PTGR2: variants seen among roughly 807,000 people sequenced by gnomAD.
PTGR2 encodes the protein prostaglandin reductase 2, also known as 15-oxoprostaglandin 13-reductase.
Under a neutral mutation model 43.4 loss-of-function variants are expected in PTGR2, and 32 were observed. The observed-to-expected ratio is 0.74, with a 90% CI of 0.56 to 0.99. The LOEUF is 0.99. PTGR2 is among the 50% of genes least tolerant of loss of function. The probability of loss-of-function intolerance (pLI) is 0.00; values close to 1 mark genes in which losing one functional copy is unlikely to be tolerated. For missense variants in PTGR2, 373 were observed against 420.0 expected (o/e 0.89, Z 0.98); for synonymous variants, 106 against 139.2 (o/e 0.76, Z 1.68).
At chr14:73,869,486 A>C (rs1330901306) in intron 3 of PTGR2, among the ~76,000 whole-genome samples, 1 of 150,406 alleles carries the variant, frequency 6.6e-6, no homozygotes, top group Non-Finnish European at 1.5e-5. Context: ...AAGTGGGAGG[A>C]TCACTTGAGC....
intron 3 of PTGR2, among the ~76,000 whole-genome samples, chr14:73,871,624 GA>G (rs2140259197): frequency 6.6e-6 from 1 of 151,972 alleles, no homozygotes; most frequent in African/African-American, 2.4e-5. Flanking sequence ...AGTCTTGTGG[GA>G]CTGAGCCTTT....
At chr14:73,853,308 CCTCTTTTTTCTT>C (rs1030759895) in intron 1 of PTGR2, among the ~76,000 whole-genome samples, 24 of 151,270 alleles carry the variant, frequency 1.6e-4, no homozygotes, top group African/African-American at 5.1e-4. Flanking sequence ...TCTTTCTGTA[CCTCTTTTTTCTT>C]CTCTTTTTTC....
At chr14:73,875,789 G>T (rs922135147) in intron 4 of PTGR2, among the ~76,000 whole-genome samples, 162 of 88,110 alleles carry the variant, frequency 1.8e-3, no homozygotes, top group South Asian at 3.4e-3. Flanking sequence ...AGAATATTTT[G>T]TCTCTTACAT....
chr14:73,860,486 A>C, intron 2 of PTGR2, 53 bp from the exon 3 acceptor site: 2 of 802,386 alleles, frequency 2.5e-6, no homozygotes. Context: ...TAATAATAAT[A>C]GTATATAGCA....
At position 73,884,226 on chromosome 14, in the gene PTGR2, A is replaced by G. The variant is rs747863356; in HGVS notation, c.*49A>G. 1.1e-5 allele frequency: 13 copies of G among 1,194,744 alleles called. No individual in the cohort carries two copies. The highest frequency in any genetic ancestry group is 5.1e-5 in the South Asian group (4 of 78,454). The allele number at this position is 1,194,744 out of a possible 1,614,324, so 74.0% of individuals were successfully genotyped here. ...ATCATAGATTTCTTTTCCATTTTGC[A>G]TATTTTCAAAGATATGTTAAAAAAT... On this transcript the variant is annotated 3_prime_UTR_variant, in exon 10 of 10. Transcript: ENST00000555661.
intron 3 of PTGR2, among the ~76,000 whole-genome samples, chr14:73,872,492 T>C (rs1307501328): frequency 1.3e-5 from 2 of 152,196 alleles, no homozygotes; most frequent in Non-Finnish European, 2.9e-5. Flanking sequence ...TTTTGTATTA[T>C]TTTTTGCTGG....
Position 73,851,982 on chromosome 14 carries a change from C to T in PTGR2, c.-48+39C>T, listed in dbSNP as rs538330514. ...GAGCGGCTCCCGCGACTGTGGCTCC[C>T]GAAGCTGCTTCGGGCCCCAGCGGTG... is the stretch of plus-strand genomic sequence containing the variant. On this transcript the variant is annotated intron_variant, in intron 1 of 9. Transcript: ENST00000555661. The T allele has an allele frequency of 1.4e-3, 206 of 152,340 alleles. 1 individual carries two copies. Among genetic ancestry groups the T allele is most frequent in the African/African-American group, 4.9e-3 (203 of 41,566 alleles). The allele number at this position is 152,340 out of a possible 1,614,324, so 9.4% of individuals were successfully genotyped here.
intron 3 of PTGR2, among the ~76,000 whole-genome samples, chr14:73,864,905 A>T (rs1195734925): frequency 6.6e-6 from 1 of 152,218 alleles, no homozygotes; most frequent in Admixed American, 6.6e-5. Context: ...ATTTAGTCGT[A>T]TATTTTCTGC....
At chr14:73,862,899 G>A (rs1050321679) in intron 3 of PTGR2, among the ~76,000 whole-genome samples, 9 of 151,730 alleles carry the variant, frequency 5.9e-5, no homozygotes, top group Non-Finnish European at 7.4e-5. Context: ...GTAGAGATGG[G>A]GTCTTGCCAT....
At chr14:73,859,560 A>G (rs1368677413) in intron 2 of PTGR2, among the ~76,000 whole-genome samples, 1 of 151,514 alleles carries the variant, frequency 6.6e-6, no homozygotes, top group African/African-American at 2.4e-5. Flanking sequence ...CCTACTTCCT[A>G]TTTTTTCAGA....
At chr14:73,864,472 G>GTTT (rs2054558882) in intron 3 of PTGR2, among the ~76,000 whole-genome samples, 1 of 152,078 alleles carries the variant, frequency 6.6e-6, no homozygotes, top group Non-Finnish European at 1.5e-5. Flanking sequence ...TGTCTTTTTG[G>GTTT]TTATAGCCAT....
intron 6 of PTGR2, chr14:73,879,814 G>A: frequency 2.2e-6 from 1 of 447,708 alleles, no homozygotes; most frequent in Non-Finnish European, 4.1e-6. Context: ...CTAATAAGTA[G>A]CAACAACAAC....
intron 5 of PTGR2, 95 bp from the exon 6 acceptor site, chr14:73,879,001 C>A (rs886749454): frequency 7.2e-6 from 7 of 978,664 alleles, no homozygotes; most frequent in Non-Finnish European, 1.1e-5. Flanking sequence ...TTGTAATGAA[C>A]ACTGTCATAT....
intron 3 of PTGR2, chr14:73,861,453 G>T (rs17182628): frequency 0.49 from 74,394 of 151,902 alleles, 18,432 homozygotes; most frequent in South Asian, 0.61. Flanking sequence ...CTATTAAGAG[G>T]CTCAGCTGGG....
chr14:73,885,717 C>T lies in PTGR2; in HGVS notation c.*1540C>T, dbSNP rs1328433562. The T allele has an allele frequency of 6.6e-6, 1 of 151,260 alleles. No homozygotes were observed. The highest frequency in any genetic ancestry group is 1.5e-5 in the Non-Finnish European group (1 of 67,950). The allele number at this position is 151,260 out of a possible 1,614,324, so 9.4% of individuals were successfully genotyped here. A position where few individuals can be genotyped will look rare whatever the true frequency, so the allele number is the denominator to read the frequency against. On this transcript the variant is annotated 3_prime_UTR_variant, in exon 10 of 10. Transcript: ENST00000555661. ...GGACCTTTACCTCCAAGTAAATATC[C>T]TCAACTCTGGATTGCATCTTATACT...
At chr14:73,857,341 G>C (rs1215668377) in intron 1 of PTGR2, among the ~76,000 whole-genome samples, 1 of 148,654 alleles carries the variant, frequency 6.7e-6, no homozygotes, top group African/African-American at 2.5e-5. Context: ...GGCTGGGCTT[G>C]GTGGCTCATG....
At chr14:73,878,628 C>T (rs904353790) in intron 5 of PTGR2, 7 of 478,294 alleles carry the variant, frequency 1.5e-5, no homozygotes, top group East Asian at 6.3e-5. Context: ...TGAACAACTC[C>T]GTGAATCATG....
chr14:73,863,619 C>CTT (rs1263397731), intron 3 of PTGR2, among the ~76,000 whole-genome samples: 2 of 142,796 alleles, frequency 1.4e-5, no homozygotes, highest in African/African-American at 2.6e-5. Context: ...TTCAGGCTCT[C>CTT]TTTTTTTTTT....
At chr14:73,873,981 G>C (rs988704428) in intron 3 of PTGR2, 42 bp from the exon 4 acceptor site, 1 of 1,465,728 alleles carries the variant, frequency 6.8e-7, no homozygotes, top group Non-Finnish European at 9.3e-7. Flanking sequence ...AGAGTGGTTT[G>C]ACATTATTGG....
Sources: gnomAD v4.1 joint callset for allele counts (sites outside exome capture counted in the v4.1 genomes callset) on GRCh38, gnomAD v4.1.1 for gene constraint, MANE v1.5 for transcripts, NCBI Gene and HGNC (gene_info 2026-07-23, HGNC 2026-07-21) for gene names.